TNXB: variants seen among roughly 807,000 people sequenced by gnomAD.
The protein encoded by TNXB is tenascin XB.
A neutral mutation model predicts 340.5 loss-of-function variants in TNXB; 183 were observed. The observed-to-expected ratio is 0.54, with a 90% CI of 0.48 to 0.61. The LOEUF (loss-of-function observed/expected upper bound fraction) is 0.61, where lower values mean the gene tolerates loss of function less well. Ranked by LOEUF, TNXB falls within the 20% of genes least tolerant of loss-of-function variation. TNXB has a pLI of 0.00. For synonymous variants in TNXB, 2,121 were observed against 2,314.5 expected (o/e 0.92, Z 2.40); for missense variants, 4,613 against 5,446.4 (o/e 0.85, Z 4.82).
In TNXB at chr6:32,075,167, C is replaced by A. The variant is rs1008079555; in HGVS notation, c.4376-1215G>T. Reference sequence around the variant, plus strand: ...GGATTATCACAACATTCTCTCAGGTCATCGCCTTCTGCCCTCACCCCCCTT... The same window carrying A: ...GGATTATCACAACATTCTCTCAGGTAATCGCCTTCTGCCCTCACCCCCCTT... On this transcript the variant is annotated intron_variant, in intron 11 of 43. Coordinates refer to ENST00000644971, the MANE Select transcript of TNXB (RefSeq NM_001365276.2). The surrounding 1 kb of genome is among the most constrained non-coding windows in gnomAD (Gnocchi z 4.6). Among the ~76,000 whole-genome samples, 1 of 152,226 alleles carries A rather than the reference C, an allele frequency of 6.6e-6. No individual in the cohort carries two copies. Among genetic ancestry groups the A allele is most frequent in the Non-Finnish European group, 1.5e-5 (1 of 68,046 alleles).
chr6:32,095,776 C>T lies in TNXB; in HGVS notation c.2077G>A (p.Gly693Arg), dbSNP rs1780297585. 2 of 1,613,628 alleles carry T rather than the reference C, an allele frequency of 1.2e-6. No homozygotes were observed. Among genetic ancestry groups the T allele is most frequent in the Non-Finnish European group, 8.5e-7 (1 of 1,179,766 alleles). The change falls in exon 3 of 44, where the codon GGG becomes AGG. Residue 693 changes from glycine to arginine, a missense_variant. Coordinates refer to ENST00000644971, the MANE Select transcript of TNXB (RefSeq NM_001365276.2). ...CCTGCCCGGCACAGTTCCCGGGGCC[C>T]GCAGCCTCCAGGGCAGGCGCTGGCT... is the stretch of plus-strand genomic sequence containing the variant. ...PPASACPGGC[G>R]PRELCRAGQC...
intron 11 of TNXB, among the ~76,000 whole-genome samples, chr6:32,077,550 C>A (rs1240293053): frequency 2.6e-5 from 4 of 152,244 alleles, no homozygotes; most frequent in Admixed American, 1.3e-4. Flanking sequence ...CTAAACCGGG[C>A]AGGTCAGCCC....
In TNXB at chr6:32,049,979, G is replaced by A; in HGVS notation, c.9439+19C>T. The A allele has an allele frequency of 2.5e-6, 4 of 1,612,450 alleles. No homozygotes were observed. The highest frequency in any genetic ancestry group is 3.4e-6 in the Non-Finnish European group (4 of 1,178,722). ...GCCCTCCCACAGCTCCCACCCTGGG[G>A]CTCCCATCATTCACTCACCCGTCAC... On this transcript the variant is annotated intron_variant, in intron 27 of 43. Coordinates refer to ENST00000644971, the MANE Select transcript of TNXB (RefSeq NM_001365276.2). This position sits in a 1 kb window ranked among gnomAD's most constrained non-coding sequence, Gnocchi z 4.5.
chr6:32,096,862 C>T lies in TNXB; in HGVS notation c.991G>A (p.Gly331Ser), dbSNP rs1416077635. 6.8e-6 allele frequency: 11 copies of T among 1,607,690 alleles called. No homozygotes were observed. The African/African-American group carries it at 8.0e-5, about 12-fold the overall frequency. ...GTACCACAGTCCTCGCCAGTGTAGCCGGGGTCACACACGCAGCGCCCGTCC... is the reference window on the plus strand; with the variant it reads ...GTACCACAGTCCTCGCCAGTGTAGCTGGGGTCACACACGCAGCGCCCGTCC... ...CKDGRCVCDP[G>S]YTGEDCGTRS... is the part of the protein sequence containing the mutation. Residue 331 changes from glycine to serine, a missense_variant, in exon 3 of 44, where the codon GGC (glycine) becomes AGC (serine). Transcript: ENST00000644971.
rs775008596 is a variant in TNXB, at chr6:32,052,742, T to C, written c.9043A>G (p.Lys3015Glu). Residue 3015 changes from lysine (K) to glutamate (E), a missense_variant, in exon 26 of 44, where the codon AAA (lysine) becomes GAA (glutamate). Lys to Glu is a moderately conservative substitution (Grantham distance 56). This residue lies in a region of TNXB where 4,327 missense variants were observed against 4,859.4 expected (regional missense o/e 0.89). Transcript: ENST00000644971. The surrounding 1 kb of genome is among the most constrained non-coding windows in gnomAD (Gnocchi z 4.7). ...AGGCCGTACAGGTGCATCTTGTATT[T>C]GCACCCGGGCTCCAGGCCCCCCACG... ...VTVGGLEPGC[K>E]YKMHLYGLHE... 1.9e-5 allele frequency: 31 copies of C among 1,613,700 alleles called. No individual in the cohort carries two copies. Among genetic ancestry groups the C allele is most frequent in the Non-Finnish European group, 2.5e-5 (30 of 1,179,882 alleles).
chr6:32,053,504 C>A lies in TNXB; in HGVS notation c.8675G>T (p.Gly2892Val). 1 of 1,613,540 alleles carries A rather than the reference C, an allele frequency of 6.2e-7. No homozygotes were observed. Among genetic ancestry groups the A allele is most frequent in the Non-Finnish European group, 8.5e-7 (1 of 1,179,886 alleles). The change falls in exon 25 of 44, where the codon GGG (glycine) becomes GTG (valine). Residue 2892 changes from glycine to valine, a missense_variant. Around this residue, in one of 7 missense-constraint regions of TNXB, gnomAD observed 4,327 missense variants for 4,859.4 expected, o/e 0.89. Transcript: ENST00000644971. ...TGAGATGGTGACCCCGTCCTCGTGC[C>A]CCGGCACCCGCACCACCTTGGGCTG... The part of the protein sequence containing the change: ...DGQPKVVRVP[G>V]HEDGVTISGL...
rs919451118 is a variant in TNXB, at chr6:32,061,815, T to A, written c.7169-95A>T. ...GGGAGAAGGCTATGACTAGGGGACA[T>A]ATGAAATAGCCAAGGCTATGACTAG... On this transcript the variant is annotated intron_variant, in intron 20 of 43. Coordinates refer to ENST00000644971, the MANE Select transcript of TNXB (RefSeq NM_001365276.2). This position sits in a 1 kb window ranked among gnomAD's most constrained non-coding sequence, Gnocchi z 4.4. The A allele has an allele frequency of 6.7e-6, 10 of 1,489,154 alleles. No homozygotes were observed. The highest frequency in any genetic ancestry group is 8.1e-6 in the Non-Finnish European group (9 of 1,104,910). The allele number at this position is 1,489,154 out of a possible 1,614,324, so 92.2% of individuals were successfully genotyped here. A position where few individuals can be genotyped will look rare whatever the true frequency, so the allele number is the denominator to read the frequency against.
rs1055901581 is a variant in TNXB, at chr6:32,080,490, A to G, written c.4042+878T>C. 6.6e-6 allele frequency among the ~76,000 whole-genome samples: 1 copy of G among 152,232 alleles called. No individual in the cohort carries two copies. The highest frequency in any genetic ancestry group is 2.4e-5 in the African/African-American group (1 of 41,460). Reference sequence around the variant, plus strand: ...CTCCCAAAATGCTGGGATTACAGGCATGAGCCACTGTGCCTGGCCTTTCTA... The same window carrying G: ...CTCCCAAAATGCTGGGATTACAGGCGTGAGCCACTGTGCCTGGCCTTTCTA... On this transcript the variant is annotated intron_variant, in intron 10 of 43. Transcript: ENST00000644971. This position sits in a 1 kb window ranked among gnomAD's most constrained non-coding sequence, Gnocchi z 4.3.
chr6:32,044,301 C>T, intron 33 of TNXB, 80 bp downstream of exon 33: 1 of 487,522 alleles, frequency 2.1e-6, no homozygotes, highest in Non-Finnish European at 3.5e-6. Flanking sequence ...CGCCCACCCC[C>T]ACCGCTGGCT....
Position 32,056,578 on chromosome 6 carries a change from C to T in TNXB, c.8143+8G>A, listed in dbSNP as rs769992915. The T allele has an allele frequency of 3.7e-6, 6 of 1,612,360 alleles. No homozygotes were observed. The highest frequency in any genetic ancestry group is 2.7e-5 in the African/African-American group (2 of 74,924). On this transcript the variant is annotated splice_region_variant and intron_variant, in intron 23 of 43. Transcript: ENST00000644971. ...GCTCCCACCCTGGGGCTGCCATCATCCACTCACCCGTCACCCCAATGACAG... is the reference window on the plus strand; with the variant it reads ...GCTCCCACCCTGGGGCTGCCATCATTCACTCACCCGTCACCCCAATGACAG...
chr6:32,058,121 T>A lies in TNXB; in HGVS notation c.7762A>T (p.Met2588Leu), dbSNP rs780622544. Residue 2588 changes from methionine to leucine, a missense_variant, in exon 22 of 44, where the codon ATG becomes TTG. By Grantham distance (15) the Met-to-Leu change is conservative. Coordinates refer to ENST00000644971, the MANE Select transcript of TNXB (RefSeq NM_001365276.2). The surrounding 1 kb of genome is among the most constrained non-coding windows in gnomAD (Gnocchi z 5.1). ...RGLEPGRKYK[M>L]HLYGLHEGRR... ...CCCTCGTGGAGGCCGTACAGGTGCATCTTGTACTTGCGCCCAGGCTCCAGG... is the reference window on the plus strand; with the variant it reads ...CCCTCGTGGAGGCCGTACAGGTGCAACTTGTACTTGCGCCCAGGCTCCAGG... 1 of 1,612,634 alleles carries A rather than the reference T, an allele frequency of 6.2e-7. No individual in the cohort carries two copies. The highest frequency in any genetic ancestry group is 1.1e-5 in the South Asian group (1 of 91,064).
rs1349174020 is a variant in TNXB, at chr6:32,046,371, C to T, written c.10410G>A (p.Thr3470=). 4 of 1,599,066 alleles carry T rather than the reference C, an allele frequency of 2.5e-6. No homozygotes were observed. The highest frequency in any genetic ancestry group is 1.7e-5 in the Admixed American group (1 of 59,858). ...ETSSSLRLSW[T]VAQGPFDSFV... Reference sequence around the variant, plus strand: ...AGGAGTCAAAGGGGCCCTGGGCTACCGTCCAGGACAGGCGCAGAGAGCTGG... The same window carrying T: ...AGGAGTCAAAGGGGCCCTGGGCTACTGTCCAGGACAGGCGCAGAGAGCTGG... Residue 3470 remains threonine (T), a synonymous_variant, in exon 31 of 44, where the codon ACG becomes ACA. Coordinates refer to ENST00000644971, the MANE Select transcript of TNXB (RefSeq NM_001365276.2). This position sits in a 1 kb window ranked among gnomAD's most constrained non-coding sequence, Gnocchi z 6.9.
rs1449151131 is a variant in TNXB at position 32,084,337 on chromosome 6, C to T, written c.3445+76G>A. On this transcript the variant is annotated intron_variant, in intron 8 of 43. Transcript: ENST00000644971. The surrounding 1 kb of genome is among the most constrained non-coding windows in gnomAD (Gnocchi z 5.5). ...CTCCAGGAAGCCTTCCCGGAGCTCCCAAAGCAGGTTCCCAAAGCACTGAGA... is the reference window on the plus strand; with the variant it reads ...CTCCAGGAAGCCTTCCCGGAGCTCCTAAAGCAGGTTCCCAAAGCACTGAGA... The T allele has an allele frequency of 2.2e-5, 31 of 1,429,180 alleles. No homozygotes were observed. The highest frequency in any genetic ancestry group is 1.2e-5 in the Non-Finnish European group (13 of 1,073,138). 88.5% of individuals were successfully genotyped at this position (1,429,180 alleles called of 1,614,324 possible).
rs186778671 is a variant in TNXB, at chr6:32,084,819, C to T, written c.3149-110G>A. The T allele has an allele frequency of 1.0e-4, 101 of 1,009,338 alleles. No homozygotes were observed. Among genetic ancestry groups the T allele is most frequent in the African/African-American group, 6.8e-4 (42 of 61,940 alleles). The allele number at this position is 1,009,338 out of a possible 1,614,324, so 62.5% of individuals were successfully genotyped here. On this transcript the variant is annotated intron_variant, in intron 7 of 43. Coordinates refer to ENST00000644971, the MANE Select transcript of TNXB (RefSeq NM_001365276.2). The surrounding 1 kb of genome is among the most constrained non-coding windows in gnomAD (Gnocchi z 5.5). ...ACTCCATCCTGGATAGATCCCTCCC[C>T]GGAAGACTCTATCTGCCCACCCCTC...
In TNXB at chr6:32,084,672, T is replaced by G. The variant is rs2127262282; in HGVS notation, c.3186A>C (p.Pro1062=). ...TCACCGTCAGCTCACCCAGGCGTGGTGGGCCTGAGGACTTCCCAGGCTTCT... is the reference window on the plus strand; with the variant it reads ...TCACCGTCAGCTCACCCAGGCGTGGGGGGCCTGAGGACTTCCCAGGCTTCT... ...DEEKPGKSSG[P]PRLGELTVTD... is the part of the protein sequence containing the mutation. Residue 1062 remains proline (P), a synonymous_variant, in exon 8 of 44, where the codon CCA becomes CCC. Transcript: ENST00000644971. The surrounding 1 kb of genome is among the most constrained non-coding windows in gnomAD (Gnocchi z 5.5). 1 of 1,591,480 alleles carries G rather than the reference T, an allele frequency of 6.3e-7. No individual in the cohort carries two copies. Among genetic ancestry groups the G allele is most frequent in the Non-Finnish European group, 8.6e-7 (1 of 1,166,698 alleles).
rs1778491073 is a variant in TNXB, at chr6:32,067,935, C to T, written c.6270G>A (p.Pro2090=). The change falls in exon 18 of 44, where the codon CCG becomes CCA. Residue 2090 remains proline, a synonymous_variant. Coordinates refer to ENST00000644971, the MANE Select transcript of TNXB (RefSeq NM_001365276.2). This position sits in a 1 kb window ranked among gnomAD's most constrained non-coding sequence, Gnocchi z 4.2. ...PSPTEPSMEA[P]EPAEEPLLGE... ...CCAGGAGCGGCTCCTCAGCGGGCTC[C>T]GGGGCCTCCATGCTGGGTTCTGTGG... 10 of 1,612,540 alleles carry T rather than the reference C, an allele frequency of 6.2e-6. No individual in the cohort carries two copies. The highest frequency in any genetic ancestry group is 1.1e-5 in the South Asian group (1 of 91,044).
chr6:32,049,646 G>T lies in TNXB; in HGVS notation c.9440-59C>A. On this transcript the variant is annotated intron_variant, in intron 27 of 43. Transcript: ENST00000644971. This position sits in a 1 kb window ranked among gnomAD's most constrained non-coding sequence, Gnocchi z 4.5. The stretch of plus-strand genomic sequence containing the variant: ...GGATGTCCTTGGGTCCTGGGGAAAA[G>T]GAGGGAGAAGCCAAGGCTATGACTG... 1 of 1,554,132 alleles carries T rather than the reference G, an allele frequency of 6.4e-7. No homozygotes were observed. The highest frequency in any genetic ancestry group is 1.8e-5 in the Admixed American group (1 of 54,576).
In TNXB at chr6:32,079,324, G is replaced by C; in HGVS notation, c.4084C>G (p.Leu1362Val). ...GGGGACTCCGGGGCCTCCGTGCCCA[G>C]TTCTGTGGGGCTGGGGGTCTCGTCC... ...DVDETPSPTE[L>V]GTEAPESPEE... is the part of the protein sequence containing the mutation. The change falls in exon 11 of 44, where the codon CTG becomes GTG. Residue 1362 changes from leucine (L) to valine (V), a missense_variant. Around this residue, in one of 7 missense-constraint regions of TNXB, gnomAD observed 4,327 missense variants for 4,859.4 expected, o/e 0.89. Coordinates refer to ENST00000644971, the MANE Select transcript of TNXB (RefSeq NM_001365276.2). The surrounding 1 kb of genome is among the most constrained non-coding windows in gnomAD (Gnocchi z 7.1). 1 of 1,611,854 alleles carries C rather than the reference G, an allele frequency of 6.2e-7. No individual in the cohort carries two copies. Among genetic ancestry groups the C allele is most frequent in the Non-Finnish European group, 8.5e-7 (1 of 1,179,102 alleles).
In TNXB at chr6:32,069,161, C is replaced by G. The variant is rs372279467; in HGVS notation, c.5588-25G>C. 1.6e-5 allele frequency: 25 copies of G among 1,584,552 alleles called. No individual in the cohort carries two copies. In the African/African-American group the frequency reaches 2.9e-4, roughly 19 times the overall value. On this transcript the variant is annotated intron_variant, in intron 15 of 43. Coordinates refer to ENST00000644971, the MANE Select transcript of TNXB (RefSeq NM_001365276.2). This position sits in a 1 kb window ranked among gnomAD's most constrained non-coding sequence, Gnocchi z 6.2. ...GCTGGTTCACAGAGACAGGTAGAGA[C>G]AGATGGCTGGTGTGTCGCTGCACCC...
Sources: allele counts gnomAD v4.1 joint callset (sites outside exome capture counted in the v4.1 genomes callset), GRCh38; gene constraint gnomAD v4.1.1; regional missense constraint gnomAD v4.1.1; non-coding constraint Gnocchi (gnomAD v3.1); transcripts MANE v1.5; gene names NCBI Gene and HGNC (gene_info 2026-07-23, HGNC 2026-07-21).